Variants in ASAP3 observed in about 807,000 individuals in gnomAD.
ASAP3 encodes the protein ArfGAP with SH3 domain, ankyrin repeat and PH domain 3, also known as arf-GAP with SH3 domain, ANK repeat and PH domain-containing protein 3.
A neutral mutation model predicts 118.2 loss-of-function variants in ASAP3; 85 were observed. That is an observed-to-expected ratio of 0.72 (90% CI 0.60 to 0.86). The LOEUF (loss-of-function observed/expected upper bound fraction) is 0.86. Among genes scored for constraint, ASAP3 ranks in the 40% least tolerant of loss-of-function variants. The pLI is 0.00. For missense variants in ASAP3, 1,026 were observed against 1,175.0 expected, an observed-to-expected ratio of 0.87 and a Z score of 1.85; for synonymous variants, 432 against 477.4, an observed-to-expected ratio of 0.90 and a Z score of 1.24.
At chr1:23,475,236 G>A (rs1642091102) in intron 1 of ASAP3, among the ~76,000 whole-genome samples, 1 of 152,074 alleles carries the variant, frequency 6.6e-6, no homozygotes, top group Non-Finnish European at 1.5e-5. Context: ...AATGCTGGTG[G>A]CAACCACAGC....
At chr1:23,480,729 CAG>C (rs1642280193) in intron 1 of ASAP3, among the ~76,000 whole-genome samples, 1 of 152,158 alleles carries the variant, frequency 6.6e-6, no homozygotes, top group African/African-American at 2.4e-5. Context: ...ACAGCAGAGT[CAG>C]AGAGACCCAC....
intron 24 of ASAP3, among the ~76,000 whole-genome samples, chr1:23,430,607 G>A (rs1640390257): frequency 6.6e-6 from 1 of 152,192 alleles, no homozygotes. Context: ...CTTCTGCAGG[G>A]AAGTGATGCC....
intron 24 of ASAP3, 87 bp downstream of exon 24, chr1:23,430,948 T>C: frequency 8.0e-7 from 1 of 1,257,048 alleles, no homozygotes; most frequent in Non-Finnish European, 1.1e-6. Flanking sequence ...TGGGGAGGTC[T>C]CCCACCCCAA....
intron 1 of ASAP3, among the ~76,000 whole-genome samples, chr1:23,457,253 A>T: frequency 6.6e-6 from 1 of 152,252 alleles, no homozygotes. Flanking sequence ...CCCTGACCCC[A>T]GCCCAGCTGT....
In ASAP3 at chr1:23,436,406, G is replaced by A. The variant is rs1570334441; in HGVS notation, c.1571+154C>T. Among the ~76,000 whole-genome samples, 1 of 152,232 alleles carries A rather than the reference G, an allele frequency of 6.6e-6. No individual in the cohort carries two copies. Among genetic ancestry groups the A allele is most frequent in the South Asian group, 2.1e-4 (1 of 4,826 alleles). On this transcript the variant is annotated intron_variant, in intron 16 of 24. Transcript: ENST00000336689. The surrounding 1 kb of genome is among the most constrained non-coding windows in gnomAD (Gnocchi z 4.2). ...TCAAATTCCTGACCTCAAGTGATCC[G>A]CCCGCCTTGGCCTCCCAAAGTGCTG...
chr1:23,464,651 C>A (rs1641703009), intron 1 of ASAP3, among the ~76,000 whole-genome samples: 1 of 90,640 alleles, frequency 1.1e-5, no homozygotes, highest in Non-Finnish European at 1.9e-5. Context: ...CAGAATGAGA[C>A]ACTGTCTTAA....
At position 23,429,929 on chromosome 1, in the gene ASAP3, AC is replaced by A; in HGVS notation, c.2638del (p.Val880LeufsTer111). The A allele has an allele frequency of 1.2e-6, 2 of 1,613,650 alleles. No individual in the cohort carries two copies. The highest frequency in any genetic ancestry group is 1.7e-6 in the Non-Finnish European group (2 of 1,179,762). On this transcript the variant is annotated frameshift_variant and splice_region_variant, in exon 25 of 25. Coordinates refer to ENST00000336689, the MANE Select transcript of ASAP3 (RefSeq NM_017707.4). LOFTEE classifies it high-confidence loss of function. ...TGAGCCATCTCCTTCAGTGATGCCA[AC>A]CTGCAGAAAGAAGGATGAAACTGAC... is the stretch of plus-strand genomic sequence containing the variant. ...RQPLPRRNVP[V>X]GITEGDGSRT...
intron 1 of ASAP3, among the ~76,000 whole-genome samples, chr1:23,457,160 C>T (rs889810051): frequency 6.6e-5 from 10 of 152,066 alleles, no homozygotes; most frequent in African/African-American, 2.2e-4. Context: ...AGGCCCTTAC[C>T]GAGAGACACA....
At chr1:23,462,962 C>T (rs188566298) in intron 1 of ASAP3, among the ~76,000 whole-genome samples, 1 of 152,162 alleles carries the variant, frequency 6.6e-6, no homozygotes, top group East Asian at 1.9e-4. Context: ...TAACTCTGGC[C>T]CCTGGACAGG....
In ASAP3 at chr1:23,437,049, A is replaced by C; in HGVS notation, c.1343-5T>G. The C allele has an allele frequency of 6.2e-7, 1 of 1,609,314 alleles. No individual in the cohort carries two copies. The highest frequency in any genetic ancestry group is 8.5e-7 in the Non-Finnish European group (1 of 1,178,228). On this transcript the variant is annotated splice_region_variant and splice_polypyrimidine_tract_variant and intron_variant, in intron 14 of 24. Coordinates refer to ENST00000336689, the MANE Select transcript of ASAP3 (RefSeq NM_017707.4). This position sits in a 1 kb window ranked among gnomAD's most constrained non-coding sequence, Gnocchi z 6.1. ...TGGTGCTGAGCCACGTGGGGTCTGCAGAGGAAAGCAGCTGGAGCCTGGAGG... is the reference window on the plus strand; with the variant it reads ...TGGTGCTGAGCCACGTGGGGTCTGCCGAGGAAAGCAGCTGGAGCCTGGAGG...
At chr1:23,484,212 G>C (rs1642435148), upstream of ASAP3, 3 of 1,200,086 alleles carry the variant, frequency 2.5e-6, no homozygotes, top group Non-Finnish European at 2.1e-6. Flanking sequence ...CCTCACCGCC[G>C]GCCGGGGGCG....
chr1:23,477,349 C>A (rs979671803), intron 1 of ASAP3, among the ~76,000 whole-genome samples: 5 of 139,004 alleles, frequency 3.6e-5, no homozygotes, highest in African/African-American at 1.1e-4. Flanking sequence ...TGCACTCCAG[C>A]CTGAGCAACA....
Position 23,436,585 on chromosome 1 carries a change from G to GGCC in ASAP3, c.1543_1545dup (p.Gly515dup). 1 of 1,614,196 alleles carries GGCC rather than the reference G, an allele frequency of 6.2e-7. No individual in the cohort carries two copies. The highest frequency in any genetic ancestry group is 8.5e-7 in the Non-Finnish European group (1 of 1,180,026). On this transcript the variant is annotated inframe_insertion, in exon 16 of 25. Transcript: ENST00000336689. The surrounding 1 kb of genome is among the most constrained non-coding windows in gnomAD (Gnocchi z 4.2). ...ATGTCACTCTCAGCTGAGGGTTTAGGGCCGCCGTGTGAGGGTAGCTGGGCC... is the reference window on the plus strand; with the variant it reads ...ATGTCACTCTCAGCTGAGGGTTTAGGGCCGCCGCCGTGTGAGGGTAGCTGGGCC...
At chr1:23,450,924 A>G (rs1370761063) in intron 5 of ASAP3, among the ~76,000 whole-genome samples, 3 of 152,176 alleles carry the variant, frequency 2.0e-5, no homozygotes, top group Non-Finnish European at 4.4e-5. Context: ...TTCTTTCCCC[A>G]TGATGTCCCA....
In ASAP3 at chr1:23,436,067, T is replaced by C; in HGVS notation, c.1572-39A>G. 2 of 1,608,070 alleles carry C rather than the reference T, an allele frequency of 1.2e-6. No homozygotes were observed. The highest frequency in any genetic ancestry group is 2.7e-5 in the African/African-American group (2 of 74,928). On this transcript the variant is annotated intron_variant, in intron 16 of 24. Coordinates refer to ENST00000336689, the MANE Select transcript of ASAP3 (RefSeq NM_017707.4). This position sits in a 1 kb window ranked among gnomAD's most constrained non-coding sequence, Gnocchi z 4.2. The stretch of plus-strand genomic sequence containing the variant: ...CCACAGGATCTCAGAGCATGGACCG[T>C]GTCTGCCCAGCTGATCCCTGGGGCC...
chr1:23,481,634 G>A (rs985324429), intron 1 of ASAP3, among the ~76,000 whole-genome samples: 2 of 152,156 alleles, frequency 1.3e-5, no homozygotes, highest in Non-Finnish European at 2.9e-5. Context: ...AGGAGGATGG[G>A]TTTTGTCTTG....
rs1312794545 is a variant in ASAP3, at chr1:23,429,816, A to AT, written c.*39dup. Reference sequence around the variant, plus strand: ...GTGAGCTCAAGTCCCAGCTCTGAACATTGGGGCCTAGCATGGGGCATGTGG... The same window carrying AT: ...GTGAGCTCAAGTCCCAGCTCTGAACATTTGGGGCCTAGCATGGGGCATGTGG... On this transcript the variant is annotated 3_prime_UTR_variant, in exon 25 of 25. Transcript: ENST00000336689. The AT allele has an allele frequency of 1.3e-6, 2 of 1,599,242 alleles. No individual in the cohort carries two copies. The highest frequency in any genetic ancestry group is 1.7e-5 in the Admixed American group (1 of 58,658).
intron 17 of ASAP3, 83 bp downstream of exon 17, chr1:23,435,768 G>T (rs1640626691): frequency 6.7e-7 from 1 of 1,487,648 alleles, no homozygotes; most frequent in Non-Finnish European, 9.4e-7. Flanking sequence ...GTGGGGTGGA[G>T]GGGAGTAACA....
chr1:23,460,692 C>T (rs959584522), intron 1 of ASAP3, among the ~76,000 whole-genome samples: 2 of 152,074 alleles, frequency 1.3e-5, no homozygotes, highest in East Asian at 1.9e-4. Flanking sequence ...CGTACTCTTG[C>T]CAAATGAGTC....
Sources: gnomAD v4.1 joint callset for allele counts (sites outside exome capture counted in the v4.1 genomes callset) on GRCh38, gnomAD v4.1.1 for gene constraint, Gnocchi (gnomAD v3.1) non-coding constraint, MANE v1.5 for transcripts, NCBI Gene and HGNC (gene_info 2026-07-23, HGNC 2026-07-21) for gene names.